Variants in PDGFD observed in about 807,000 individuals in gnomAD.
PDGFD encodes the protein platelet-derived growth factor D.
PDGFD carries 30 observed loss-of-function variants against 44.7 expected under a neutral mutation model. The observed-to-expected ratio is 0.67, with a 90% CI of 0.50 to 0.91. The LOEUF (loss-of-function observed/expected upper bound fraction) is 0.91. PDGFD is among the 40% of genes least tolerant of loss of function. PDGFD has a pLI of 0.00. For missense variants in PDGFD, 445 were observed against 457.8 expected (o/e 0.97, Z 0.25); for synonymous variants, 173 against 168.4 (o/e 1.03, Z -0.21).
intron 1 of PDGFD, among the ~76,000 whole-genome samples, chr11:104,088,771 T>C (rs1373140974): frequency 6.6e-6 from 1 of 152,122 alleles, no homozygotes; most frequent in Non-Finnish European, 1.5e-5. Flanking sequence ...CTTTAGGCTA[T>C]GAGATATCAG....
intron 1 of PDGFD, among the ~76,000 whole-genome samples, chr11:104,044,063 T>C (rs763754910): frequency 3.3e-5 from 5 of 152,152 alleles, no homozygotes; most frequent in Non-Finnish European, 7.4e-5. Flanking sequence ...CTACCAACAA[T>C]GAGTCGATTG....
intron 1 of PDGFD, among the ~76,000 whole-genome samples, chr11:104,145,781 G>C (rs1862153285): frequency 6.6e-6 from 1 of 152,048 alleles, no homozygotes; most frequent in Admixed American, 6.6e-5. Context: ...TTTAGAAATA[G>C]GGCCTTCAGA....
At chr11:103,954,069 T>C (rs1004479773) in intron 3 of PDGFD, among the ~76,000 whole-genome samples, 3 of 152,354 alleles carry the variant, frequency 2.0e-5, no homozygotes, top group Middle Eastern at 3.4e-3. Flanking sequence ...AGGTAATAAA[T>C]GTTGTCAACA....
chr11:104,102,749 TA>T (rs1397315116), intron 1 of PDGFD, among the ~76,000 whole-genome samples: 2 of 151,982 alleles, frequency 1.3e-5, no homozygotes, highest in Non-Finnish European at 1.5e-5. Context: ...TATGCAGCCA[TA>T]AAAAAGGATG....
chr11:103,936,952 G>C (rs1299373309), intron 5 of PDGFD, among the ~76,000 whole-genome samples: 2 of 151,432 alleles, frequency 1.3e-5, no homozygotes, highest in African/African-American at 4.9e-5. Flanking sequence ...TCAGCCTCCT[G>C]AGTAGCTGGA....
At chr11:103,925,058 G>T (rs760223300) in intron 6 of PDGFD, among the ~76,000 whole-genome samples, 11 of 151,948 alleles carry the variant, frequency 7.2e-5, no homozygotes, top group Non-Finnish European at 1.5e-4. Context: ...TGTGGTGGTT[G>T]GTTTTCTGTT....
In PDGFD at chr11:104,070,337, A is replaced by G. The variant is rs140393016; in HGVS notation, c.125-70082T>C. On this transcript the variant is annotated intron_variant, in intron 1 of 6. Transcript: ENST00000393158. The stretch of plus-strand genomic sequence containing the variant: ...TCAACGCATTAGTTCACACTGATAC[A>G]TCTAATACAAATCCAACAGCACAGG... 2.6e-3 allele frequency among the ~76,000 whole-genome samples: 394 copies of G among 152,300 alleles called. 4 individuals carry two copies. Among genetic ancestry groups the G allele is most frequent in the African/African-American group, 9.1e-3 (378 of 41,564 alleles).
At chr11:103,995,843 A>G (rs1859526664) in intron 3 of PDGFD, among the ~76,000 whole-genome samples, 1 of 152,158 alleles carries the variant, frequency 6.6e-6, no homozygotes, top group African/African-American at 2.4e-5. Flanking sequence ...ATGTACTATG[A>G]TCTCTTTCAA....
Position 104,117,775 on chromosome 11 carries a change from G to A in PDGFD, c.124+46029C>T, listed in dbSNP as rs528162821. Among the ~76,000 whole-genome samples, 255 of 151,986 alleles carry A rather than the reference G, an allele frequency of 1.7e-3. 2 individuals carry two copies. Among genetic ancestry groups the A allele is most frequent in the African/African-American group, 5.7e-3 (235 of 41,502 alleles). On this transcript the variant is annotated intron_variant, in intron 1 of 6. Transcript: ENST00000393158. Reference sequence around the variant, plus strand: ...AAACACATCCCATGTTCATGGATGCGTACAATCAATACTGTGAAAATGGCC... The same window carrying A: ...AAACACATCCCATGTTCATGGATGCATACAATCAATACTGTGAAAATGGCC...
chr11:104,136,894 A>C (rs541216201), intron 1 of PDGFD, among the ~76,000 whole-genome samples: 24 of 152,230 alleles, frequency 1.6e-4, no homozygotes, highest in Non-Finnish European at 3.1e-4. Context: ...AACATTTTAC[A>C]GTCACATTTT....
chr11:104,098,382 G>T (rs1861316280), intron 1 of PDGFD, among the ~76,000 whole-genome samples: 1 of 152,118 alleles, frequency 6.6e-6, no homozygotes, highest in Non-Finnish European at 1.5e-5. Context: ...GGTGTCTGTG[G>T]TAAGGGGGAT....
In PDGFD at chr11:104,047,994, A is replaced by G. The variant is rs567004679; in HGVS notation, c.125-47739T>C. Among the ~76,000 whole-genome samples the G allele has an allele frequency of 1.0e-3, 156 of 152,282 alleles. 1 individual carries two copies. Among genetic ancestry groups the G allele is most frequent in the Non-Finnish European group, 1.9e-3 (132 of 68,020 alleles). ...TGATGAAAAAGCCACTGACTATTTC[A>G]GTCTCCCAAAATACAAATGAATAAT... On this transcript the variant is annotated intron_variant, in intron 1 of 6. Transcript: ENST00000393158.
intron 1 of PDGFD, among the ~76,000 whole-genome samples, chr11:104,006,562 A>G (rs1384678747): frequency 2.0e-5 from 3 of 152,198 alleles, no homozygotes; most frequent in African/African-American, 7.2e-5. Context: ...TTTGTTCCCA[A>G]AAGTTGCCTT....
chr11:104,085,639 T>A (rs1861118710), intron 1 of PDGFD, among the ~76,000 whole-genome samples: 1 of 152,174 alleles, frequency 6.6e-6, no homozygotes, highest in Non-Finnish European at 1.5e-5. Context: ...AGAAATAACA[T>A]AATTTTATGA....
intron 3 of PDGFD, among the ~76,000 whole-genome samples, chr11:103,982,301 A>G (rs1333565803): frequency 6.6e-6 from 1 of 151,826 alleles, no homozygotes; most frequent in East Asian, 1.9e-4. Flanking sequence ...TATCAGACAC[A>G]TCTTAGGTAT....
intron 1 of PDGFD, among the ~76,000 whole-genome samples, chr11:104,089,795 G>T (rs1415707716): frequency 1.3e-5 from 2 of 152,102 alleles, no homozygotes; most frequent in Non-Finnish European, 2.9e-5. Flanking sequence ...TTAAATAAAA[G>T]CCTCCAAGCT....
rs369466512 is a variant in PDGFD, at chr11:103,985,198, T to C, written c.510+10867A>G. ...TAATTTATTTAATATATAATATATA[T>C]TAATACACACACATATTTTTTGAGA... On this transcript the variant is annotated intron_variant, in intron 3 of 6. Transcript: ENST00000393158. Among the ~76,000 whole-genome samples the C allele has an allele frequency of 7.7e-5, 7 of 91,080 alleles. 1 individual carries two copies. Among genetic ancestry groups the C allele is most frequent in the South Asian group, 7.4e-4 (2 of 2,716 alleles). The allele number at this position is 91,080 out of a possible 152,430, so 59.8% of individuals were successfully genotyped here.
At chr11:103,927,609 A>G (rs1565286585) in intron 5 of PDGFD, among the ~76,000 whole-genome samples, 1 of 152,346 alleles carries the variant, frequency 6.6e-6, no homozygotes, top group East Asian at 1.9e-4. Context: ...TTTCACACAT[A>G]AATGTAATAA....
intron 3 of PDGFD, among the ~76,000 whole-genome samples, chr11:103,949,553 G>C (rs909041331): frequency 5.3e-5 from 8 of 152,192 alleles, no homozygotes; most frequent in Non-Finnish European, 1.0e-4. Flanking sequence ...CATATGCCAG[G>C]TATGGTAATG....
Sources: allele counts gnomAD v4.1 joint callset (sites outside exome capture counted in the v4.1 genomes callset), GRCh38; gene constraint gnomAD v4.1.1; transcripts MANE v1.5; gene names NCBI Gene and HGNC (gene_info 2026-07-23, HGNC 2026-07-21).